The following GRIP1 variants were observed in gnomAD, a reference collection of about 807,000 sequenced individuals.
GRIP1 encodes glutamate receptor-interacting protein 1.
In GRIP1, 45 loss-of-function variants were observed where a neutral mutation model predicts 129.9. The observed-to-expected ratio is 0.35, with a 90% CI of 0.27 to 0.44. The LOEUF is 0.44. Among genes scored for constraint, GRIP1 ranks in the 20% least tolerant of loss-of-function variants. GRIP1 has a pLI of 1.00. For missense variants in GRIP1, 1,196 were observed against 1,396.8 expected, an observed-to-expected ratio of 0.86 and a Z score of 2.29; for synonymous variants, 530 against 520.8, an observed-to-expected ratio of 1.02 and a Z score of -0.24.
intron 1 of GRIP1, among the ~76,000 whole-genome samples, chr12:66,971,458 A>G (rs1000333441): frequency 6.6e-6 from 1 of 152,210 alleles, no homozygotes; most frequent in African/African-American, 2.4e-5. Context: ...GAATAATAGC[A>G]TGCTTGGGAA....
chr12:66,775,460 G>T (rs545093992), intron 1 of GRIP1, among the ~76,000 whole-genome samples: 7 of 152,056 alleles, frequency 4.6e-5, no homozygotes, highest in African/African-American at 1.4e-4. Flanking sequence ...TTAATAGCTG[G>T]GTCTGGTTTT....
rs74392427 is a variant in GRIP1 at position 66,691,167 on chromosome 12, A to G, written c.-419-60831T>C. 9.2e-3 allele frequency among the ~76,000 whole-genome samples: 1,405 copies of G among 152,312 alleles called. 16 individuals are homozygous for G. Among genetic ancestry groups the G allele is most frequent in the African/African-American group, 0.032 (1,349 of 41,576 alleles). The stretch of plus-strand genomic sequence containing the variant: ...TCCACCACTCAACTCCAGTGCAACC[A>G]CTACTAAATTCAATGACTTCTAAAC... On this transcript the variant is annotated intron_variant, in intron 1 of 4. Coordinates refer to the GRIP1 transcript ENST00000538373.
intron 1 of GRIP1, among the ~76,000 whole-genome samples, chr12:67,055,908 A>G (rs2043427396): frequency 6.6e-6 from 1 of 152,188 alleles, no homozygotes; most frequent in Non-Finnish European, 1.5e-5. Flanking sequence ...ACAACATGGA[A>G]CTGAGAAACC....
intron 1 of GRIP1, among the ~76,000 whole-genome samples, chr12:66,982,813 A>ATC: frequency 6.6e-6 from 1 of 152,288 alleles, no homozygotes; most frequent in East Asian, 1.9e-4. Context: ...GACCTGCAGG[A>ATC]ACTTTTAAAT....
At chr12:66,956,563 C>G (rs2041844495) in intron 1 of GRIP1, among the ~76,000 whole-genome samples, 1 of 152,146 alleles carries the variant, frequency 6.6e-6, no homozygotes, top group East Asian at 1.9e-4. Context: ...TGGAAAGAGG[C>G]ATATAAATGA....
At chr12:66,414,099 G>A (rs1220366926) in intron 15 of GRIP1, among the ~76,000 whole-genome samples, 2 of 152,028 alleles carry the variant, frequency 1.3e-5, no homozygotes, top group African/African-American at 2.4e-5. Flanking sequence ...TCTGACCAGG[G>A]CAATCAGGCA....
At chr12:66,876,796 A>G (rs757655259) in intron 1 of GRIP1, among the ~76,000 whole-genome samples, 1 of 152,096 alleles carries the variant, frequency 6.6e-6, no homozygotes, top group Non-Finnish European at 1.5e-5. Flanking sequence ...GGCAAAGTTC[A>G]GTCACAGAGG....
At chr12:66,835,665 A>G (rs145554410) in intron 1 of GRIP1, among the ~76,000 whole-genome samples, 43 of 152,360 alleles carry the variant, frequency 2.8e-4, no homozygotes, top group Middle Eastern at 3.4e-3. Context: ...AAGGCTGCAT[A>G]CCATATGATT....
At chr12:66,619,032 G>A (rs1034692490) in intron 1 of GRIP1, among the ~76,000 whole-genome samples, 2 of 152,084 alleles carry the variant, frequency 1.3e-5, no homozygotes, top group Non-Finnish European at 2.9e-5. Flanking sequence ...TGTAAACAAC[G>A]TTTCCTTCAA....
chr12:67,037,335 T>TAATAATAATAATAA (rs2135798374), intron 1 of GRIP1: 1 of 146,790 alleles, frequency 6.8e-6, no homozygotes, highest in South Asian at 2.1e-4. Context: ...CTGAAAATAA[T>TAATAATAATAATAA]AATAATAATA....
At chr12:66,560,367 A>T (rs570847561) in intron 2 of GRIP1, among the ~76,000 whole-genome samples, 10 of 152,274 alleles carry the variant, frequency 6.6e-5, no homozygotes, top group African/African-American at 2.4e-4. Flanking sequence ...GAAACAATCA[A>T]TAAAGTGAAG....
intron 1 of GRIP1, among the ~76,000 whole-genome samples, chr12:66,864,279 A>C (rs1421580345): frequency 6.6e-6 from 1 of 151,872 alleles, no homozygotes; most frequent in Non-Finnish European, 1.5e-5. Flanking sequence ...ACAGTCTATA[A>C]ACTCCAAATA....
chr12:66,652,653 T>C (rs772089164), intron 1 of GRIP1, among the ~76,000 whole-genome samples: 1 of 152,190 alleles, frequency 6.6e-6, no homozygotes, highest in Non-Finnish European at 1.5e-5. Context: ...AGCCAACAAA[T>C]AGAGGTAGAC....
At chr12:66,870,138 G>A (rs758280811) in intron 1 of GRIP1, among the ~76,000 whole-genome samples, 10 of 152,092 alleles carry the variant, frequency 6.6e-5, no homozygotes, top group Non-Finnish European at 1.2e-4. Context: ...GAGAACCATC[G>A]CTTTAAAATG....
intron 9 of GRIP1, among the ~76,000 whole-genome samples, chr12:66,458,510 C>T (rs1288787999): frequency 6.6e-6 from 1 of 152,082 alleles, no homozygotes; most frequent in Non-Finnish European, 1.5e-5. Context: ...TCACCCTACC[C>T]AGTAGCTGGG....
rs559923034 is a variant in GRIP1 at position 66,397,795 on chromosome 12, T to C, written c.1985-3443A>G. On this transcript the variant is annotated intron_variant, in intron 16 of 24. Transcript: ENST00000359742. ...AGTGGAGATGAAGCAAGGTTGGTTGTAAGCAAATCACTGTTAACACTGGAT... is the reference window on the plus strand; with the variant it reads ...AGTGGAGATGAAGCAAGGTTGGTTGCAAGCAAATCACTGTTAACACTGGAT... Among the ~76,000 whole-genome samples the C allele has an allele frequency of 1.6e-3, 242 of 152,346 alleles. 4 individuals carry two copies. Among genetic ancestry groups the C allele is most frequent in the African/African-American group, 5.6e-3 (231 of 41,592 alleles).
At chr12:66,381,288 T>C (rs953039498) in intron 19 of GRIP1, among the ~76,000 whole-genome samples, 2 of 152,228 alleles carry the variant, frequency 1.3e-5, no homozygotes, top group African/African-American at 4.8e-5. Context: ...TGGTTAGCCA[T>C]CTGGGAAGAA....
chr12:66,854,023 G>GA (rs888671830), intron 1 of GRIP1, among the ~76,000 whole-genome samples: 8 of 151,862 alleles, frequency 5.3e-5, no homozygotes, highest in African/African-American at 1.7e-4. Flanking sequence ...ATGGGCATAA[G>GA]AAAAAAATAA....
At chr12:66,898,207 C>T (rs1194954392) in intron 1 of GRIP1, among the ~76,000 whole-genome samples, 1 of 152,128 alleles carries the variant, frequency 6.6e-6, no homozygotes. Context: ...GTGTTGTGCC[C>T]ACTACACTAA....
Sources: allele counts gnomAD v4.1 joint callset (sites outside exome capture counted in the v4.1 genomes callset), GRCh38; gene constraint gnomAD v4.1.1; transcripts MANE v1.5; gene names NCBI Gene and HGNC (gene_info 2026-07-23, HGNC 2026-07-21).